The following CDKAL1 variants were observed in gnomAD, a reference collection of about 807,000 sequenced individuals.
CDKAL1 encodes CDKAL1 threonylcarbamoyladenosine tRNA methylthiotransferase, also known as threonylcarbamoyladenosine tRNA methylthiotransferase.
Under a neutral mutation model 68.2 loss-of-function variants are expected in CDKAL1, and 32 were observed. That is an observed-to-expected ratio of 0.47 (90% CI 0.35 to 0.63). The LOEUF is 0.63. Ranked by LOEUF, CDKAL1 falls within the 30% of genes least tolerant of loss-of-function variation. The pLI, the probability that CDKAL1 is intolerant of heterozygous loss-of-function variation, is 0.00. For synonymous variants in CDKAL1, 234 were observed against 244.3 expected, an observed-to-expected ratio of 0.96 and a Z score of 0.39; for missense variants, 606 against 696.7, an observed-to-expected ratio of 0.87 and a Z score of 1.47.
chr6:20,842,818 C>T (rs988720949), intron 8 of CDKAL1, among the ~76,000 whole-genome samples: 9 of 152,064 alleles, frequency 5.9e-5, no homozygotes, highest in South Asian at 2.1e-4. Flanking sequence ...GCAACAGGAA[C>T]GAAACTCCGT....
chr6:20,901,490 T>C (rs1021897884), intron 9 of CDKAL1, among the ~76,000 whole-genome samples: 36 of 151,078 alleles, frequency 2.4e-4, no homozygotes, highest in Admixed American at 2.0e-4. Context: ...CTGGCTAACA[T>C]GGTGAAACCC....
At chr6:21,204,610 C>T (rs920615177) in intron 15 of CDKAL1, among the ~76,000 whole-genome samples, 30 of 152,112 alleles carry the variant, frequency 2.0e-4, no homozygotes, top group African/African-American at 6.5e-4. Context: ...TCACTCATAT[C>T]GCCCTCATAA....
In CDKAL1 at chr6:20,781,268, A is replaced by ATG; in HGVS notation, c.638+3_638+4insTG. ...GAAATCATTTCCATCAATACCGGGT[A>ATG]AGCATCTCTCAAACTTGCTCATAAA... On this transcript the variant is annotated splice_donor_region_variant and intron_variant, in intron 8 of 15. Coordinates refer to ENST00000274695, the MANE Select transcript of CDKAL1 (RefSeq NM_017774.3). 1 of 1,606,820 alleles carries ATG rather than the reference A, an allele frequency of 6.2e-7. No homozygotes were observed. The highest frequency in any genetic ancestry group is 8.5e-7 in the Non-Finnish European group (1 of 1,177,270).
intron 12 of CDKAL1, among the ~76,000 whole-genome samples, chr6:21,086,870 T>C (rs1237083387): frequency 1.3e-5 from 2 of 152,166 alleles, no homozygotes; most frequent in African/African-American, 2.4e-5. Context: ...TTAAAAAATA[T>C]CATAGTCCCT....
At chr6:20,794,167 A>G (rs1198158546) in intron 8 of CDKAL1, among the ~76,000 whole-genome samples, 1 of 151,816 alleles carries the variant, frequency 6.6e-6, no homozygotes, top group Non-Finnish European at 1.5e-5. Flanking sequence ...CATTTTCTGT[A>G]TCTGCTTTTT....
chr6:21,000,460 T>G (rs1282871374), intron 11 of CDKAL1, 88 bp downstream of exon 11: 2 of 1,183,838 alleles, frequency 1.7e-6, no homozygotes, highest in Non-Finnish European at 2.4e-6. Flanking sequence ...GCCTTACAAT[T>G]AAAGGTACAA....
At chr6:21,176,451 T>C (rs1218111860) in intron 13 of CDKAL1, among the ~76,000 whole-genome samples, 3 of 152,262 alleles carry the variant, frequency 2.0e-5, no homozygotes, top group Non-Finnish European at 2.9e-5. Context: ...CTGCTAAATA[T>C]GCAGCTCATC....
chr6:20,599,411 A>G (rs1221784895), intron 4 of CDKAL1: 2 of 450,960 alleles, frequency 4.4e-6, no homozygotes, highest in Non-Finnish European at 8.9e-6. Context: ...TTCAAAGTAG[A>G]AAGTTCCTGG....
At chr6:20,565,151 A>T (rs945519417) in intron 4 of CDKAL1, among the ~76,000 whole-genome samples, 86 of 152,002 alleles carry the variant, frequency 5.7e-4, no homozygotes, top group African/African-American at 1.5e-3. Flanking sequence ...ATATATATAT[A>T]TATTTTTAAA....
chr6:20,537,178 A>C (rs2127642616), intron 2 of CDKAL1, among the ~76,000 whole-genome samples: 1 of 152,294 alleles, frequency 6.6e-6, no homozygotes, highest in East Asian at 1.9e-4. Flanking sequence ...TTGAAGATTG[A>C]GAACCATTAC....
intron 6 of CDKAL1, among the ~76,000 whole-genome samples, chr6:20,752,552 T>A (rs1773971851): frequency 6.6e-6 from 1 of 152,122 alleles, no homozygotes. Flanking sequence ...GTAGTATCAC[T>A]CAGAAATGTT....
chr6:21,148,063 A>G (rs1776261731), intron 13 of CDKAL1, among the ~76,000 whole-genome samples: 1 of 152,212 alleles, frequency 6.6e-6, no homozygotes, highest in African/African-American at 2.4e-5. Flanking sequence ...CATATCTGAG[A>G]TGAACTTGGC....
rs566206138 is a variant in CDKAL1 at position 21,214,857 on chromosome 6, T to G, written c.1548+13583T>G. ...ATAGGGCCTGGCAGGGAGCAAATGCTCAGTAAACGTCTGTTGGATGAATGA... is the reference window on the plus strand; with the variant it reads ...ATAGGGCCTGGCAGGGAGCAAATGCGCAGTAAACGTCTGTTGGATGAATGA... On this transcript the variant is annotated intron_variant, in intron 15 of 15. Coordinates refer to ENST00000274695, the MANE Select transcript of CDKAL1 (RefSeq NM_017774.3). 3.9e-4 allele frequency among the ~76,000 whole-genome samples: 58 copies of G among 149,204 alleles called. No individual in the cohort carries two copies. In the East Asian group the frequency reaches 5.3e-3, roughly 14 times the overall value.
At chr6:20,624,923 C>T (rs1351814822) in intron 4 of CDKAL1, among the ~76,000 whole-genome samples, 1 of 152,012 alleles carries the variant, frequency 6.6e-6, no homozygotes, top group Non-Finnish European at 1.5e-5. Flanking sequence ...GTCTGTAAGG[C>T]TTTTATGCTT....
chr6:20,906,489 T>C (rs1762236572), intron 9 of CDKAL1, among the ~76,000 whole-genome samples: 2 of 152,154 alleles, frequency 1.3e-5, no homozygotes, highest in African/African-American at 4.8e-5. Context: ...TACTTCCCAA[T>C]AAACCCATTG....
chr6:21,165,943 A>T (rs1164366161), intron 13 of CDKAL1, among the ~76,000 whole-genome samples: 2 of 152,224 alleles, frequency 1.3e-5, no homozygotes, highest in Non-Finnish European at 1.5e-5. Flanking sequence ...GACTGCCTGG[A>T]TTCACATCCT....
intron 4 of CDKAL1, among the ~76,000 whole-genome samples, chr6:20,628,601 A>G (rs898526291): frequency 1.3e-5 from 2 of 152,048 alleles, no homozygotes; most frequent in Non-Finnish European, 2.9e-5. Flanking sequence ...CTTTGTCAGT[A>G]TCTTTGTCGG....
intron 8 of CDKAL1, among the ~76,000 whole-genome samples, chr6:20,800,068 C>T: frequency 6.6e-6 from 1 of 152,216 alleles, no homozygotes; most frequent in East Asian, 1.9e-4. Flanking sequence ...AATGGAAAAG[C>T]AACAGCATGG....
chr6:21,040,327 A>AT (rs1272512083), intron 11 of CDKAL1, among the ~76,000 whole-genome samples: 1 of 152,166 alleles, frequency 6.6e-6, no homozygotes, highest in Non-Finnish European at 1.5e-5. Flanking sequence ...TAAGTCACTC[A>AT]TTTTTTAGTC....
Sources: gnomAD v4.1 joint callset for allele counts (sites outside exome capture counted in the v4.1 genomes callset) on GRCh38, gnomAD v4.1.1 for gene constraint, MANE v1.5 for transcripts, NCBI Gene and HGNC (gene_info 2026-07-23, HGNC 2026-07-21) for gene names.